Variants in PLCE1 observed in about 807,000 individuals in gnomAD.
PLCE1 encodes the protein 1-phosphatidylinositol 4,5-bisphosphate phosphodiesterase epsilon-1.
A neutral mutation model predicts 242.8 loss-of-function variants in PLCE1; 119 were observed. That is an observed-to-expected ratio of 0.49 (90% CI 0.42 to 0.57). The LOEUF is 0.57. Among genes scored for constraint, PLCE1 ranks in the 20% least tolerant of loss-of-function variants. The probability of loss-of-function intolerance (pLI) is 0.00; values close to 1 mark genes in which losing one functional copy is unlikely to be tolerated. For missense variants in PLCE1, 2,441 were observed against 2,788.8 expected, an observed-to-expected ratio of 0.88 and a Z score of 2.81; for synonymous variants, 945 against 1,017.4, an observed-to-expected ratio of 0.93 and a Z score of 1.35.
chr10:94,276,043 C>G (rs2051942631), intron 19 of PLCE1, among the ~76,000 whole-genome samples: 1 of 152,136 alleles, frequency 6.6e-6, no homozygotes, highest in Non-Finnish European at 1.5e-5. Flanking sequence ...TTACGTCCTA[C>G]AAAGTTCTTT....
chr10:94,114,329 G>T (rs2046050234), intron 2 of PLCE1, among the ~76,000 whole-genome samples: 2 of 152,178 alleles, frequency 1.3e-5, no homozygotes, highest in African/African-American at 2.4e-5. Context: ...GATGAGTATA[G>T]ACAGTAATTG....
At chr10:94,059,968 A>G (rs919154300) in intron 2 of PLCE1, among the ~76,000 whole-genome samples, 1 of 151,860 alleles carries the variant, frequency 6.6e-6, no homozygotes, top group African/African-American at 2.4e-5. Context: ...AATTTGTTAC[A>G]CCCTTCAATT....
At chr10:94,170,175 G>T (rs1164085171) in intron 3 of PLCE1, among the ~76,000 whole-genome samples, 1 of 152,160 alleles carries the variant, frequency 6.6e-6, no homozygotes, top group East Asian at 1.9e-4. Flanking sequence ...GTCCAGGCTG[G>T]ATGACAGGTA....
intron 17 of PLCE1, 75 bp from the exon 18 acceptor site, chr10:94,270,411 G>A: frequency 1.1e-6 from 1 of 928,666 alleles, no homozygotes; most frequent in Non-Finnish European, 1.8e-6. Flanking sequence ...GATGCTTTCT[G>A]TGGCTATAAC....
rs75937455 is a variant in PLCE1, at chr10:94,309,307, G to A, written c.6003+608G>A. On this transcript the variant is annotated intron_variant, in intron 27 of 32. Transcript: ENST00000371380. ...GGACACTGTAGAAAGTGCCATAGTT[G>A]CAGAATCTGCTTTTTTTTTTTTCCA... Among the ~76,000 whole-genome samples, 750 of 151,732 alleles carry A rather than the reference G, an allele frequency of 4.9e-3. 4 individuals carry two copies. Among genetic ancestry groups the A allele is most frequent in the African/African-American group, 0.017 (707 of 41,474 alleles).
intron 14 of PLCE1, among the ~76,000 whole-genome samples, chr10:94,262,982 C>T (rs889286064): frequency 6.6e-6 from 1 of 151,730 alleles, no homozygotes; most frequent in South Asian, 2.1e-4. Context: ...AACGATTCTC[C>T]TGCCTCAGCC....
In PLCE1 at chr10:93,993,940, G is replaced by A. The variant is rs1299001727; in HGVS notation, c.-683G>A. Among the ~76,000 whole-genome samples the A allele has an allele frequency of 4.0e-5, 6 of 151,054 alleles. No individual in the cohort carries two copies. Among genetic ancestry groups the A allele is most frequent in the Non-Finnish European group, 7.4e-5 (5 of 67,658 alleles). ...GCAGCCGCCGCTGTCCGGGCAGCGCGCACATCTCGGCGGGAGCGGACTGTG... is the reference window on the plus strand; with the variant it reads ...GCAGCCGCCGCTGTCCGGGCAGCGCACACATCTCGGCGGGAGCGGACTGTG... On this transcript the variant is annotated 5_prime_UTR_variant, in exon 1 of 33. Coordinates refer to ENST00000371380, the MANE Select transcript of PLCE1 (RefSeq NM_016341.4).
intron 28 of PLCE1, among the ~76,000 whole-genome samples, chr10:94,316,285 C>G (rs1234085965): frequency 4.6e-5 from 7 of 152,146 alleles, no homozygotes. Context: ...ATTTTTAATT[C>G]ACTAGGAGCT....
At position 94,171,292 on chromosome 10, in the gene PLCE1, C is replaced by T. The variant is rs577957789; in HGVS notation, c.1605C>T (p.Val535=). The change falls in exon 4 of 33, where the codon GTC becomes GTT. Residue 535 remains valine, a synonymous_variant. Coordinates refer to ENST00000371380, the MANE Select transcript of PLCE1 (RefSeq NM_016341.4). ...CTCTCATCCAGTTCCCAGAGGAAGT[C>T]GCCAGCATCCTGATGGAGCAAGAGC... ...LQPLIQFPEE[V]ASILMEQEQT... 1.5e-5 allele frequency: 24 copies of T among 1,614,148 alleles called. No homozygotes were observed. In the Admixed American group the frequency reaches 1.5e-4, roughly 10 times the overall value.
chr10:94,279,650 T>C, intron 19 of PLCE1, 132 bp from the exon 20 acceptor site: 1 of 939,740 alleles, frequency 1.1e-6, no homozygotes, highest in South Asian at 1.4e-5. Context: ...GATTTTTTTC[T>C]CCTCTCCCAA....
chr10:94,000,200 T>A (rs1248651771), intron 1 of PLCE1, among the ~76,000 whole-genome samples: 4 of 152,236 alleles, frequency 2.6e-5, no homozygotes, highest in Non-Finnish European at 4.4e-5. Flanking sequence ...GAGACAAGTT[T>A]GAGAAGAACT....
chr10:94,021,908 G>A (rs1241883284), intron 1 of PLCE1, among the ~76,000 whole-genome samples: 1 of 151,980 alleles, frequency 6.6e-6, no homozygotes. Flanking sequence ...AAAATCTTCA[G>A]TTTAGTAAAG....
At chr10:94,169,133 G>A (rs1357975253) in intron 3 of PLCE1, among the ~76,000 whole-genome samples, 2 of 152,220 alleles carry the variant, frequency 1.3e-5, no homozygotes, top group African/African-American at 4.8e-5. Context: ...GACCAACCTG[G>A]TTTCCATTTT....
At chr10:94,236,901 C>T (rs570751005) in intron 7 of PLCE1, among the ~76,000 whole-genome samples, 5 of 152,062 alleles carry the variant, frequency 3.3e-5, no homozygotes, top group East Asian at 1.9e-4. Context: ...TTTCTTCCAA[C>T]AAAAGATTTT....
At chr10:94,240,933 A>G (rs1369352894) in intron 7 of PLCE1, among the ~76,000 whole-genome samples, 6 of 152,142 alleles carry the variant, frequency 3.9e-5, no homozygotes, top group African/African-American at 2.4e-5. Context: ...TTAACATTCC[A>G]CCTTATCCCT....
chr10:94,015,828 T>C (rs2061267669), intron 1 of PLCE1, among the ~76,000 whole-genome samples: 1 of 152,130 alleles, frequency 6.6e-6, no homozygotes, highest in Admixed American at 6.5e-5. Context: ...CCAGCTCTAT[T>C]TGGCCGAATG....
chr10:94,317,122 G>T (rs975961239), intron 29 of PLCE1, among the ~76,000 whole-genome samples: 1 of 152,056 alleles, frequency 6.6e-6, no homozygotes, highest in Admixed American at 6.6e-5. Context: ...GTGGTGGCAG[G>T]CACCTGTAAT....
At chr10:94,068,137 C>A (rs1212523852) in intron 2 of PLCE1, among the ~76,000 whole-genome samples, 1 of 152,156 alleles carries the variant, frequency 6.6e-6, no homozygotes, top group African/African-American at 2.4e-5. Flanking sequence ...TTTGCTCATG[C>A]AGTCACCTAT....
At chr10:94,146,924 A>G (rs2047130255) in intron 3 of PLCE1, among the ~76,000 whole-genome samples, 1 of 152,214 alleles carries the variant, frequency 6.6e-6, no homozygotes, top group African/African-American at 2.4e-5. Context: ...TGGGCTGGAA[A>G]GGTTCCAGGT....
Sources: gnomAD v4.1 joint callset for allele counts (sites outside exome capture counted in the v4.1 genomes callset) on GRCh38, gnomAD v4.1.1 for gene constraint, MANE v1.5 for transcripts, NCBI Gene and HGNC (gene_info 2026-07-23, HGNC 2026-07-21) for gene names.